Variants in CREB5 observed in about 807,000 individuals in gnomAD.
CREB5 encodes the protein cAMP responsive element binding protein 5.
In CREB5, 19 loss-of-function variants were observed where a neutral mutation model predicts 57.1. The observed-to-expected ratio is 0.33, with a 90% CI of 0.23 to 0.49. The LOEUF (loss-of-function observed/expected upper bound fraction) is 0.49, where lower values mean the gene tolerates loss of function less well. Ranked by LOEUF, CREB5 falls within the 20% of genes least tolerant of loss-of-function variation. The probability of loss-of-function intolerance (pLI) is 0.99; values close to 1 mark genes in which losing one functional copy is unlikely to be tolerated. For synonymous variants in CREB5, 238 were observed against 238.3 expected, an observed-to-expected ratio of 1.00 and a Z score of 0.01; for missense variants, 579 against 671.6, an observed-to-expected ratio of 0.86 and a Z score of 1.52.
intron 1 of CREB5, among the ~76,000 whole-genome samples, chr7:28,345,417 C>G (rs184167313): frequency 1.1e-4 from 16 of 152,120 alleles, no homozygotes; most frequent in Non-Finnish European, 2.2e-4. Flanking sequence ...TCAGTTGTTA[C>G]TTTTGAGATC....
chr7:28,800,719 C>T (rs1808314501), intron 7 of CREB5, among the ~76,000 whole-genome samples: 1 of 152,178 alleles, frequency 6.6e-6, no homozygotes, highest in South Asian at 2.1e-4. Context: ...AGAAAGAGTG[C>T]ATCCAGGTCC....
rs539641958 is a variant in CREB5 at position 28,749,927 on chromosome 7, T to G, written c.702+25595T>G. On this transcript the variant is annotated intron_variant, in intron 7 of 10. Transcript: ENST00000357727. ...ATTTGACATCATTCTTGGCAACTGA[T>G]AGTTTTTTTTTTTAACGTGCATTAT... 2.1e-5 allele frequency among the ~76,000 whole-genome samples: 3 copies of G among 142,256 alleles called. No homozygotes were observed. The South Asian group carries it at 6.7e-4, about 32-fold the overall frequency. 93.3% of individuals were successfully genotyped at this position (142,256 alleles called of 152,430 possible).
At chr7:28,655,371 C>T (rs117076503) in intron 5 of CREB5, among the ~76,000 whole-genome samples, 2 of 152,120 alleles carry the variant, frequency 1.3e-5, no homozygotes, top group Non-Finnish European at 2.9e-5. Flanking sequence ...CTTTGGGAGG[C>T]CTAGGTGGGA....
chr7:28,355,907 C>T (rs373236142), intron 1 of CREB5, among the ~76,000 whole-genome samples: 10 of 152,304 alleles, frequency 6.6e-5, no homozygotes, highest in African/African-American at 2.2e-4. Context: ...CTTTTTAATG[C>T]TACTTTCTGA....
chr7:28,541,574 G>A (rs977693039), intron 4 of CREB5, among the ~76,000 whole-genome samples: 67 of 152,292 alleles, frequency 4.4e-4, no homozygotes, highest in African/African-American at 1.6e-3. Flanking sequence ...GGCTGAGGGA[G>A]GAGAATCACT....
chr7:28,452,834 C>A (rs1789889803), intron 1 of CREB5, among the ~76,000 whole-genome samples: 1 of 152,112 alleles, frequency 6.6e-6, no homozygotes, highest in Admixed American at 6.6e-5. Context: ...TAGTCTCTGG[C>A]AGAGAGAGCA....
chr7:28,489,296 CTTTTTTTT>C (rs70977046), intron 2 of CREB5, among the ~76,000 whole-genome samples: 2 of 96,648 alleles, frequency 2.1e-5, no homozygotes, highest in Non-Finnish European at 3.8e-5. Flanking sequence ...GAGGACCCTT[CTTTTTTTT>C]TTTTTTTTTT....
At chr7:28,529,722 A>G (rs1156777238) in intron 4 of CREB5, among the ~76,000 whole-genome samples, 2 of 152,196 alleles carry the variant, frequency 1.3e-5, no homozygotes, top group African/African-American at 2.4e-5. Flanking sequence ...TTCCCACCCA[A>G]ATGTGGGGAA....
intron 5 of CREB5, among the ~76,000 whole-genome samples, chr7:28,620,327 A>G (rs1033123062): frequency 2.6e-5 from 4 of 152,232 alleles, no homozygotes; most frequent in South Asian, 2.1e-4. Flanking sequence ...TATTTCTTCT[A>G]TAACTAAATC....
intron 1 of CREB5, among the ~76,000 whole-genome samples, chr7:28,307,129 CCT>C (rs542131979): frequency 4.1e-4 from 63 of 152,286 alleles, no homozygotes; most frequent in African/African-American, 1.5e-3. Flanking sequence ...TGCCCTTGCC[CCT>C]CCTCTAATGT....
At chr7:28,701,766 AT>A (rs1801871550) in intron 5 of CREB5, among the ~76,000 whole-genome samples, 1 of 152,254 alleles carries the variant, frequency 6.6e-6, no homozygotes, top group Non-Finnish European at 1.5e-5. Flanking sequence ...AAGTAAAAAA[AT>A]ATAATTGATT....
intron 5 of CREB5, among the ~76,000 whole-genome samples, chr7:28,658,957 A>ATATATATATATATATATGTG (rs1554281562): frequency 9.8e-5 from 11 of 111,808 alleles, no homozygotes; most frequent in African/African-American, 4.3e-4. Context: ...GTGTGTGTAT[A>ATATATATATATATATATGTG]TATATATATA....
At chr7:28,804,570 C>G in intron 8 of CREB5, 48 bp downstream of exon 8, 1 of 1,590,988 alleles carries the variant, frequency 6.3e-7, no homozygotes, top group Non-Finnish European at 8.6e-7. Context: ...TCCTTCTTAA[C>G]AGTGCAAGCT....
intron 7 of CREB5, among the ~76,000 whole-genome samples, chr7:28,779,832 C>T (rs4722848): frequency 0.28 from 42,160 of 152,128 alleles, 6,663 homozygotes; most frequent in South Asian, 0.41. Flanking sequence ...CAGCCAGATA[C>T]TGTCAGGCTC....
At chr7:28,478,423 G>A (rs995472154) in intron 1 of CREB5, among the ~76,000 whole-genome samples, 1 of 151,810 alleles carries the variant, frequency 6.6e-6, no homozygotes. Context: ...GTATATGTGT[G>A]TGTATTTTTG....
chr7:28,546,496 C>A (rs372392648), intron 4 of CREB5, among the ~76,000 whole-genome samples: 7 of 152,132 alleles, frequency 4.6e-5, no homozygotes, highest in Admixed American at 2.0e-4. Flanking sequence ...AATGGCGGCA[C>A]CATTTTACAA....
intron 5 of CREB5, among the ~76,000 whole-genome samples, chr7:28,686,554 G>A (rs1800931630): frequency 6.6e-6 from 1 of 151,992 alleles, no homozygotes; most frequent in Non-Finnish European, 1.5e-5. Context: ...AAGCGAGAAA[G>A]AGCAAACTCG....
At chr7:28,348,896 A>G (rs1288996291) in intron 1 of CREB5, among the ~76,000 whole-genome samples, 2 of 152,186 alleles carry the variant, frequency 1.3e-5, no homozygotes, top group East Asian at 3.8e-4. Context: ...TGCTTCAAAC[A>G]TGAATTTATT....
intron 3 of CREB5, among the ~76,000 whole-genome samples, chr7:28,505,228 G>A (rs1284804335): frequency 3.3e-5 from 5 of 151,876 alleles, no homozygotes; most frequent in African/African-American, 7.3e-5. Context: ...ATGCACACAC[G>A]CACGCACACA....
Sources: gnomAD v4.1 joint callset for allele counts (sites outside exome capture counted in the v4.1 genomes callset) on GRCh38, gnomAD v4.1.1 for gene constraint, MANE v1.5 for transcripts, NCBI Gene and HGNC (gene_info 2026-07-23, HGNC 2026-07-21) for gene names.